Variants in SLC5A1 observed in about 807,000 individuals in gnomAD.
SLC5A1 encodes sodium/glucose cotransporter 1.
Under a neutral mutation model 73.5 loss-of-function variants are expected in SLC5A1, and 42 were observed. The observed-to-expected ratio is 0.57, with a 90% CI of 0.45 to 0.74. The LOEUF (loss-of-function observed/expected upper bound fraction) is 0.74. SLC5A1 is among the 30% of genes least tolerant of loss of function. The probability of loss-of-function intolerance (pLI) is 0.00; values close to 1 mark genes in which losing one functional copy is unlikely to be tolerated. For synonymous variants in SLC5A1, 300 were observed against 317.4 expected, an observed-to-expected ratio of 0.95 and a Z score of 0.58; for missense variants, 634 against 855.4, an observed-to-expected ratio of 0.74 and a Z score of 3.23.
At chr22:32,052,610 C>G (rs890804218) in intron 2 of SLC5A1, among the ~76,000 whole-genome samples, 1 of 152,172 alleles carries the variant, frequency 6.6e-6, no homozygotes, top group Non-Finnish European at 1.5e-5. Context: ...CCTACCTCTT[C>G]TGGCCCAGGT....
chr22:32,107,588 A>G (rs1603147416), intron 14 of SLC5A1, among the ~76,000 whole-genome samples: 1 of 152,132 alleles, frequency 6.6e-6, no homozygotes, highest in East Asian at 1.9e-4. Flanking sequence ...CACCATCATG[A>G]TTGCTTTGAA....
In SLC5A1 at chr22:32,110,703, T is replaced by C. The variant is rs1395529801; in HGVS notation, c.*490T>C. 8.6e-6 allele frequency: 2 copies of C among 233,426 alleles called. No individual in the cohort carries two copies. Among genetic ancestry groups the C allele is most frequent in the Non-Finnish European group, 1.7e-5 (2 of 117,826 alleles). 14.5% of individuals were successfully genotyped at this position (233,426 alleles called of 1,614,324 possible). A position where few individuals can be genotyped will look rare whatever the true frequency, so the allele number is the denominator to read the frequency against. On this transcript the variant is annotated 3_prime_UTR_variant, in exon 15 of 15. Coordinates refer to ENST00000266088, the MANE Select transcript of SLC5A1 (RefSeq NM_000343.4). ...TTGCCTGGACTTTCCCTCTCAAGTG[T>C]GTCAATCAGGTAAACTGAGGAATGC... is the stretch of plus-strand genomic sequence containing the variant.
Position 32,086,231 on chromosome 22 carries a change from T to G in SLC5A1, c.1033T>G (p.Cys345Gly), listed in dbSNP as rs1409736017. 1.9e-6 allele frequency: 3 copies of G among 1,613,014 alleles called. No homozygotes were observed. Among genetic ancestry groups the G allele is most frequent in the Non-Finnish European group, 2.5e-6 (3 of 1,179,010 alleles). ...CCATCTCTTCCCAGAAAAAATTGCCTGTGTCGTCCCTTCAGAATGTGAGAA... is the reference window on the plus strand; with the variant it reads ...CCATCTCTTCCCAGAAAAAATTGCCGGTGTCGTCCCTTCAGAATGTGAGAA... ...SRILYTEKIA[C>G]VVPSECEKYC... The change falls in exon 10 of 15, where the codon TGT becomes GGT. Residue 345 changes from cysteine (C) to glycine (G), a missense_variant. Physicochemically the swap from Cys to Gly is radical, Grantham distance 159. Coordinates refer to ENST00000266088, the MANE Select transcript of SLC5A1 (RefSeq NM_000343.4).
At position 32,099,298 on chromosome 22, in the gene SLC5A1, C is replaced by T. The variant is rs201202919; in HGVS notation, c.1396C>T (p.Pro466Ser). The T allele has an allele frequency of 1.2e-6, 2 of 1,613,618 alleles. No homozygotes were observed. Among genetic ancestry groups the T allele is most frequent in the Non-Finnish European group, 1.7e-6 (2 of 1,179,820 alleles). ...IQSITSYLGP[P>S]IAAVFLLAIF... The stretch of plus-strand genomic sequence containing the variant: ...GTCCATCACCAGTTACTTGGGACCA[C>T]CCATTGCGGCTGTCTTCCTGCTTGC... Residue 466 changes from proline to serine, a missense_variant, in exon 12 of 15, where the codon CCC becomes TCC. Pro to Ser is a moderately conservative substitution (Grantham distance 74). Coordinates refer to ENST00000266088, the MANE Select transcript of SLC5A1 (RefSeq NM_000343.4).
intron 10 of SLC5A1, among the ~76,000 whole-genome samples, chr22:32,088,334 T>A (rs1429003349): frequency 1.4e-5 from 2 of 144,582 alleles, no homozygotes; most frequent in African/African-American, 2.5e-5. Flanking sequence ...AATACTGCAT[T>A]CCTTTTTTTT....
intron 12 of SLC5A1, among the ~76,000 whole-genome samples, chr22:32,100,419 G>A (rs542672367): frequency 1.4e-4 from 22 of 152,168 alleles, no homozygotes; most frequent in South Asian, 2.1e-4. Context: ...AGATCTTACC[G>A]GAAAGGCTTT....
At chr22:32,055,860 CCTTT>C (rs1253958293) in intron 2 of SLC5A1, among the ~76,000 whole-genome samples, 1 of 152,182 alleles carries the variant, frequency 6.6e-6, no homozygotes, top group Non-Finnish European at 1.5e-5. Flanking sequence ...TTCTCCTCTC[CCTTT>C]CTTATTCTCC....
chr22:32,048,927 G>C (rs192146016), intron 1 of SLC5A1, among the ~76,000 whole-genome samples: 8 of 151,908 alleles, frequency 5.3e-5, no homozygotes, highest in African/African-American at 1.9e-4. Context: ...AAAATTAGCT[G>C]GGCGTAGTAG....
In SLC5A1 at chr22:32,043,468, GC is replaced by G; in HGVS notation, c.135+53del. The stretch of plus-strand genomic sequence containing the variant: ...TGGGGAGGGTGCGCACAGAGGAGGA[GC>G]AATGGCCTCGCTGAGCTGCAAGGGG... On this transcript the variant is annotated intron_variant, in intron 1 of 14. Transcript: ENST00000266088. The surrounding 1 kb of genome is among the most constrained non-coding windows in gnomAD (Gnocchi z 6.5). 4.4e-6 allele frequency: 7 copies of G among 1,600,066 alleles called. No individual in the cohort carries two copies. Among genetic ancestry groups the G allele is most frequent in the Non-Finnish European group, 6.0e-6 (7 of 1,169,946 alleles).
intron 1 of SLC5A1, among the ~76,000 whole-genome samples, chr22:32,048,268 G>A (rs901524086): frequency 3.9e-5 from 6 of 152,160 alleles, no homozygotes; most frequent in Admixed American, 1.3e-4. Context: ...GAGGGAAGAT[G>A]GCCAGGGGCC....
chr22:32,107,105 A>G (rs1260947306), intron 14 of SLC5A1, among the ~76,000 whole-genome samples: 2 of 152,142 alleles, frequency 1.3e-5, no homozygotes, highest in African/African-American at 4.8e-5. Flanking sequence ...GACTGCAAAT[A>G]CTGGAGAGAG....
chr22:32,053,769 TTA>T (rs2093948066), intron 2 of SLC5A1, among the ~76,000 whole-genome samples: 1 of 152,238 alleles, frequency 6.6e-6, no homozygotes, highest in African/African-American at 2.4e-5. Context: ...ATTCGTTGTA[TTA>T]TTCATATTAG....
chr22:32,059,542 G>T (rs2093957137), intron 2 of SLC5A1, among the ~76,000 whole-genome samples: 1 of 152,166 alleles, frequency 6.6e-6, no homozygotes, highest in Admixed American at 6.5e-5. Context: ...AGCCAGTGTG[G>T]TTTTGCCAGA....
intron 5 of SLC5A1, among the ~76,000 whole-genome samples, chr22:32,079,328 C>G (rs370518827): frequency 6.6e-6 from 1 of 152,104 alleles, no homozygotes; most frequent in Non-Finnish European, 1.5e-5. Context: ...ATGACTCATG[C>G]GAGGAAGAAT....
chr22:32,068,054 C>T lies in SLC5A1; in HGVS notation c.372+28C>T, dbSNP rs117442236. On this transcript the variant is annotated intron_variant, in intron 4 of 14. Transcript: ENST00000266088. ...AAGTATCTGCTCTGTTATTTCATTTCCTGCTGGCAAATGTATCTGTCAGCT... is the reference window on the plus strand; with the variant it reads ...AAGTATCTGCTCTGTTATTTCATTTTCTGCTGGCAAATGTATCTGTCAGCT... 215 of 1,604,738 alleles carry T rather than the reference C, an allele frequency of 1.3e-4. 1 individual carries two copies. In the East Asian group the frequency reaches 4.1e-3, roughly 31 times the overall value.
chr22:32,069,111 G>A (rs563902171), intron 5 of SLC5A1, among the ~76,000 whole-genome samples: 3 of 152,314 alleles, frequency 2.0e-5, no homozygotes, highest in South Asian at 4.2e-4. Flanking sequence ...GTCATTTGTT[G>A]TGAATATGCT....
chr22:32,045,513 C>CT (rs1301324278), intron 1 of SLC5A1, among the ~76,000 whole-genome samples: 1 of 152,222 alleles, frequency 6.6e-6, no homozygotes, highest in African/African-American at 2.4e-5. Context: ...GGTGGCCACT[C>CT]TGACTCCTTC....
chr22:32,079,156 C>A (rs900383657), intron 5 of SLC5A1, among the ~76,000 whole-genome samples: 1 of 152,000 alleles, frequency 6.6e-6, no homozygotes, highest in African/African-American at 2.4e-5. Flanking sequence ...AAAAAAACAA[C>A]CCTAGTGGGT....
At chr22:32,049,065 CTT>C (rs1365658513) in intron 1 of SLC5A1, among the ~76,000 whole-genome samples, 17 of 136,436 alleles carry the variant, frequency 1.2e-4, no homozygotes, top group Middle Eastern at 7.6e-3. Context: ...CTGAGTGAGA[CTT>C]TGTCTAAAAT....
Sources: gnomAD v4.1 joint callset for allele counts (sites outside exome capture counted in the v4.1 genomes callset) on GRCh38, gnomAD v4.1.1 for gene constraint, Gnocchi (gnomAD v3.1) non-coding constraint, MANE v1.5 for transcripts, NCBI Gene and HGNC (gene_info 2026-07-23, HGNC 2026-07-21) for gene names.